The following PIGZ variants were observed in gnomAD, a reference collection of about 807,000 sequenced individuals.
PIGZ encodes the protein GPI alpha-1,2-mannosyltransferase 4.
In PIGZ, 16 loss-of-function variants were observed where a neutral mutation model predicts 16.4. That is an observed-to-expected ratio of 0.97 (90% CI 0.66 to 1.48). The LOEUF (loss-of-function observed/expected upper bound fraction) is 1.48. Among genes scored for constraint, PIGZ ranks in the 40% most tolerant of loss-of-function variants. PIGZ has a pLI of 0.00. For synonymous variants in PIGZ, 409 were observed against 338.4 expected (o/e 1.21, Z -2.29); for missense variants, 770 against 739.2 (o/e 1.04, Z -0.48).
intron 1 of PIGZ, among the ~76,000 whole-genome samples, chr3:196,958,369 G>A (rs549112222): frequency 2.0e-5 from 3 of 152,336 alleles, no homozygotes; most frequent in East Asian, 1.9e-4. Context: ...GGTGGCTCAC[G>A]CCTGTAACCC....
At position 196,951,928 on chromosome 3, in the gene PIGZ, C is replaced by T; in HGVS notation, c.104G>A (p.Arg35Lys). The change falls in exon 2 of 3, where the codon AGG (arginine) becomes AAG (lysine). Residue 35 changes from arginine to lysine, a missense_variant. Physicochemically the swap from Arg to Lys is conservative, Grantham distance 26. Transcript: ENST00000412723. ...CAGGCTGAGACCACCCCAAAGCACC[C>T]TGACTGCCATCTTCAGATCCAGTTG... ...WQQLDLKMAV[R>K]VLWGGLSLLR... The T allele has an allele frequency of 1.2e-6, 2 of 1,614,216 alleles. No individual in the cohort carries two copies. The highest frequency in any genetic ancestry group is 1.7e-6 in the Non-Finnish European group (2 of 1,180,046).
chr3:196,964,301 G>A (rs890310068), intron 1 of PIGZ, among the ~76,000 whole-genome samples: 18 of 152,072 alleles, frequency 1.2e-4, no homozygotes, highest in African/African-American at 2.7e-4. Flanking sequence ...CGCCCACCTC[G>A]GCCTCCCAAA....
chr3:196,961,485 T>C (rs1484108518), intron 1 of PIGZ, among the ~76,000 whole-genome samples: 1 of 152,188 alleles, frequency 6.6e-6, no homozygotes, highest in African/African-American at 2.4e-5. Context: ...GGTGCACCCC[T>C]GTAGTCCCAG....
chr3:196,965,358 T>C lies in PIGZ; in HGVS notation c.-1+3329A>G, dbSNP rs1337777722. 6.6e-6 allele frequency among the ~76,000 whole-genome samples: 1 copy of C among 152,006 alleles called. No homozygotes were observed. The highest frequency in any genetic ancestry group is 1.5e-5 in the Non-Finnish European group (1 of 68,002). ...TGGAACCATCAGATCTCATGAGAAC[T>C]CCCTAACTATCCGAAGAACAGCGTG... On this transcript the variant is annotated intron_variant, in intron 1 of 2. Coordinates refer to ENST00000412723, the MANE Select transcript of PIGZ (RefSeq NM_025163.4). This position sits in a 1 kb window ranked among gnomAD's most constrained non-coding sequence, Gnocchi z 4.2.
At chr3:196,964,167 C>T (rs1230228165) in intron 1 of PIGZ, among the ~76,000 whole-genome samples, 1 of 152,146 alleles carries the variant, frequency 6.6e-6, no homozygotes, top group East Asian at 1.9e-4. Flanking sequence ...TCTCCTACCT[C>T]AGCCTCCCAA....
intron 1 of PIGZ, among the ~76,000 whole-genome samples, chr3:196,962,959 A>G (rs1451668174): frequency 1.3e-5 from 2 of 152,184 alleles, no homozygotes; most frequent in East Asian, 3.9e-4. Flanking sequence ...TTCTTCCTCT[A>G]TGCTTTACCT....
In PIGZ at chr3:196,947,615, C is replaced by T. The variant is rs539732732; in HGVS notation, c.1282G>A (p.Gly428Ser). 1.9e-5 allele frequency: 30 copies of T among 1,613,226 alleles called. No individual in the cohort carries two copies. Among genetic ancestry groups the T allele is most frequent in the African/African-American group, 4.0e-5 (3 of 75,046 alleles). ...LFNALGALLF[G>S]CLHQGGLVPG... ...ACCAGGCCCCCCTGATGCAGGCAGCCGAAGAGGAGGGCACCGAGGGCGTTG... is the reference window on the plus strand; with the variant it reads ...ACCAGGCCCCCCTGATGCAGGCAGCTGAAGAGGAGGGCACCGAGGGCGTTG... Residue 428 changes from glycine (G) to serine (S), a missense_variant, in exon 3 of 3, where the codon GGC (glycine) becomes AGC (serine). By Grantham distance (56) the Gly-to-Ser change is moderately conservative. Transcript: ENST00000412723.
In PIGZ at chr3:196,947,818, C is replaced by T. The variant is rs767994853; in HGVS notation, c.1079G>A (p.Arg360Gln). 25 of 1,608,644 alleles carry T rather than the reference C, an allele frequency of 1.6e-5. No homozygotes were observed. Among genetic ancestry groups the T allele is most frequent in the Middle Eastern group, 1.7e-4 (1 of 6,052 alleles). Reference protein sequence around the residue: ...QMGLLRALGARSLLSSPRSYL... With the variant: ...QMGLLRALGAQSLLSSPRSYL... ...GGACCTGGGGCTGGACAGCAGGCTC[C>T]GGGCACCCAGTGCCCTCAGGAGGCC... The change falls in exon 3 of 3, where the codon CGG (arginine) becomes CAG (glutamine). Residue 360 changes from arginine (R) to glutamine (Q), a missense_variant. By Grantham distance (43) the Arg-to-Gln change is conservative. Coordinates refer to ENST00000412723, the MANE Select transcript of PIGZ (RefSeq NM_025163.4).
In PIGZ at chr3:196,968,757, G is replaced by GC. The variant is rs1241769153; in HGVS notation, c.-72dup. 2.6e-5 allele frequency: 4 copies of GC among 151,840 alleles called. No homozygotes were observed. The highest frequency in any genetic ancestry group is 5.9e-5 in the Non-Finnish European group (4 of 67,944). 9.4% of individuals were successfully genotyped at this position (151,840 alleles called of 1,614,324 possible). On this transcript the variant is annotated 5_prime_UTR_variant, in exon 1 of 3. Coordinates refer to ENST00000412723, the MANE Select transcript of PIGZ (RefSeq NM_025163.4). ...CCGGCGAGGGCCAGGGTCCCAGGAG[G>GC]CCCCGGAGGCGGCGGGACCGCAGGG...
At chr3:196,950,313 A>C (rs569833721) in intron 2 of PIGZ, among the ~76,000 whole-genome samples, 4 of 152,312 alleles carry the variant, frequency 2.6e-5, no homozygotes, top group African/African-American at 9.6e-5. Context: ...TGTAAGAAGA[A>C]TATATCCAAG....
Position 196,947,107 on chromosome 3 carries a change from G to A in PIGZ, c.*50C>T. 4 of 1,486,056 alleles carry A rather than the reference G, an allele frequency of 2.7e-6. No homozygotes were observed. In the South Asian group the frequency reaches 5.6e-5, roughly 21 times the overall value. 92.1% of individuals were successfully genotyped at this position (1,486,056 alleles called of 1,614,324 possible). Reference sequence around the variant, plus strand: ...CCCAGCTACCCAAGTAGAAGGTGGGGCGGCATCTTCTATGGCTGAGTCTTG... The same window carrying A: ...CCCAGCTACCCAAGTAGAAGGTGGGACGGCATCTTCTATGGCTGAGTCTTG... On this transcript the variant is annotated 3_prime_UTR_variant, in exon 3 of 3. Transcript: ENST00000412723.
Position 196,948,194 on chromosome 3 carries a change from C to T in PIGZ, c.703G>A (p.Val235Met). 6.2e-7 allele frequency: 1 copy of T among 1,614,136 alleles called. No individual in the cohort carries two copies. Among genetic ancestry groups the T allele is most frequent in the Middle Eastern group, 1.6e-4 (1 of 6,062 alleles). The change falls in exon 3 of 3, where the codon GTG (valine) becomes ATG (methionine). Residue 235 changes from valine (V) to methionine (M), a missense_variant. Physicochemically the swap from Val to Met is conservative, Grantham distance 21. Transcript: ENST00000412723. ...FNRPTFLAFA[V>M]VPLYLWGTRG... The stretch of plus-strand genomic sequence containing the variant: ...GTGCCCCAGAGGTAGAGGGGGACCA[C>T]AGCAAAGGCCAGAAAGGTGGGCCGG...
Position 196,948,202 on chromosome 3 carries a change from G to C in PIGZ, c.695C>G (p.Ala232Gly), listed in dbSNP as rs923788425. ...GAGGTAGAGGGGGACCACAGCAAAG[G>C]CCAGAAAGGTGGGCCGGTTGAAGAA... ...AGFFNRPTFL[A>G]FAVVPLYLWG... Residue 232 changes from alanine (A) to glycine (G), a missense_variant, in exon 3 of 3, where the codon GCC becomes GGC. Transcript: ENST00000412723. 6.2e-7 allele frequency: 1 copy of C among 1,614,044 alleles called. No individual in the cohort carries two copies. The highest frequency in any genetic ancestry group is 2.2e-5 in the East Asian group (1 of 44,896).
rs142725212 is a variant in PIGZ at position 196,949,105 on chromosome 3, G to T, written c.212-420C>A. ...ATCTCTGTCACCCAGGCTGGAGTGC[G>T]GTGGCGAGATCACAGCTCTCGCTAT... is the stretch of plus-strand genomic sequence containing the variant. On this transcript the variant is annotated intron_variant, in intron 2 of 2. Coordinates refer to ENST00000412723, the MANE Select transcript of PIGZ (RefSeq NM_025163.4). Among the ~76,000 whole-genome samples the T allele has an allele frequency of 2.1e-5, 3 of 140,874 alleles. No individual in the cohort carries two copies. In the South Asian group the frequency reaches 7.0e-4, roughly 33 times the overall value. 92.4% of individuals were successfully genotyped at this position (140,874 alleles called of 152,430 possible).
At position 196,947,400 on chromosome 3, in the gene PIGZ, C is replaced by G. The variant is rs750335089; in HGVS notation, c.1497G>C (p.Leu499=). The change falls in exon 3 of 3, where the codon CTG becomes CTC. Residue 499 remains leucine, a synonymous_variant. Transcript: ENST00000412723. ...GTEDWALCQT[L]KSFTRQPACQ... is the part of the protein sequence containing the mutation. ...AGGCTGGTTGTCTGGTGAAGCTTTT[C>G]AGGGTTTGGCACAGGGCCCAGTCCT... 5 of 1,614,016 alleles carry G rather than the reference C, an allele frequency of 3.1e-6. No homozygotes were observed. Among genetic ancestry groups the G allele is most frequent in the Non-Finnish European group, 4.2e-6 (5 of 1,180,038 alleles).
At chr3:196,951,147 A>G (rs775080759) in intron 2 of PIGZ, among the ~76,000 whole-genome samples, 2 of 152,214 alleles carry the variant, frequency 1.3e-5, no homozygotes, top group Non-Finnish European at 2.9e-5. Flanking sequence ...GCCCAGTGTG[A>G]TAGAAATGAG....
chr3:196,960,324 A>G (rs1483959697), intron 1 of PIGZ, among the ~76,000 whole-genome samples: 2 of 152,164 alleles, frequency 1.3e-5, no homozygotes, highest in African/African-American at 4.8e-5. Flanking sequence ...ACCATTTGGT[A>G]TCAGAAGTGG....
rs150154154 is a variant in PIGZ, at chr3:196,948,081, A to C, written c.816T>G (p.Phe272Leu). 6.3e-7 allele frequency: 1 copy of C among 1,588,860 alleles called. No individual in the cohort carries two copies. The highest frequency in any genetic ancestry group is 8.6e-7 in the Non-Finnish European group (1 of 1,164,672). Residue 272 changes from phenylalanine to leucine, a missense_variant, in exon 3 of 3, where the codon TTT becomes TTG. Transcript: ENST00000412723. The part of the protein sequence containing the change: ...LPGAALTAAV[F>L]VATDSWYFSS... ...AGAAATACCAGCTGTCCGTGGCCAC[A>C]AACACCGCTGCTGTGAGGGCTGCCC...
intron 1 of PIGZ, among the ~76,000 whole-genome samples, chr3:196,962,223 G>A (rs1717749101): frequency 6.6e-6 from 1 of 152,204 alleles, no homozygotes; most frequent in Non-Finnish European, 1.5e-5. Flanking sequence ...AAGGTTAATG[G>A]ATTTAGGGCT....
Sources: gnomAD v4.1 joint callset for allele counts (sites outside exome capture counted in the v4.1 genomes callset) on GRCh38, gnomAD v4.1.1 for gene constraint, Gnocchi (gnomAD v3.1) non-coding constraint, MANE v1.5 for transcripts, NCBI Gene and HGNC (gene_info 2026-07-23, HGNC 2026-07-21) for gene names.